Variants in DPH6 observed in about 807,000 individuals in gnomAD.
DPH6 encodes diphthamine biosynthesis 6, also known as diphthine--ammonia ligase.
Under a neutral mutation model 38.2 loss-of-function variants are expected in DPH6, and 33 were observed. That is an observed-to-expected ratio of 0.86 (90% CI 0.65 to 1.15). DPH6 has a LOEUF of 1.15. Among genes scored for constraint, DPH6 ranks in the 50% most tolerant of loss-of-function variants. DPH6 has a pLI of 0.00. For synonymous variants in DPH6, 108 were observed against 103.0 expected (o/e 1.05, Z -0.30); for missense variants, 325 against 320.0 (o/e 1.02, Z -0.12).
chr15:35,163,790 A>G, the DPH6 span, among the ~76,000 whole-genome samples: 1 of 151,836 alleles, frequency 6.6e-6, no homozygotes, highest in African/African-American at 2.4e-5. Context: ...AATTCTTTCC[A>G]TGGTTGCTTG....
chr15:35,198,203 A>T, the DPH6 span, among the ~76,000 whole-genome samples: 13 of 151,188 alleles, frequency 8.6e-5, no homozygotes, highest in African/African-American at 3.2e-4. Flanking sequence ...TTTTTTTTCT[A>T]AGCTATCAAA....
At chr15:35,176,403 A>G in the DPH6 span, among the ~76,000 whole-genome samples, 2 of 152,150 alleles carry the variant, frequency 1.3e-5, no homozygotes, top group Non-Finnish European at 2.9e-5. Context: ...GCCAGGCCTA[A>G]CTTTTATCTT....
At chr15:35,495,112 T>C (rs2054532519) in intron 3 of DPH6, among the ~76,000 whole-genome samples, 1 of 152,200 alleles carries the variant, frequency 6.6e-6, no homozygotes, top group Non-Finnish European at 1.5e-5. Context: ...CAGGTTCTAC[T>C]GTGTCCCCTC....
At chr15:35,154,283 T>G in the DPH6 span, among the ~76,000 whole-genome samples, 1 of 152,264 alleles carries the variant, frequency 6.6e-6, no homozygotes, top group East Asian at 1.9e-4. Flanking sequence ...CATCAAATTT[T>G]AGGCCATAAA....
At chr15:35,374,709 A>C (rs1339925499) in intron 7 of DPH6, among the ~76,000 whole-genome samples, 1 of 152,124 alleles carries the variant, frequency 6.6e-6, no homozygotes, top group African/African-American at 2.4e-5. Context: ...AAAGCAACTT[A>C]TAACAGACAT....
intron 3 of DPH6, among the ~76,000 whole-genome samples, chr15:35,501,715 T>G (rs907300080): frequency 6.6e-6 from 1 of 152,166 alleles, no homozygotes; most frequent in African/African-American, 2.4e-5. Context: ...ACTTAAAATA[T>G]GATATTTAAT....
intron 3 of DPH6, among the ~76,000 whole-genome samples, chr15:35,279,048 C>CAAAAAA (rs71123126): frequency 1.3e-4 from 9 of 70,660 alleles, no homozygotes; most frequent in African/African-American, 3.9e-4. Context: ...GACTCTGTCT[C>CAAAAAA]AAAAAAAAAA....
the DPH6 span, among the ~76,000 whole-genome samples, chr15:35,207,978 G>A: frequency 2.0e-4 from 31 of 152,146 alleles, no homozygotes; most frequent in East Asian, 7.7e-4. Context: ...GCTCTATTAC[G>A]ATGACCAGAA....
At chr15:35,194,377 G>C in the DPH6 span, among the ~76,000 whole-genome samples, 1 of 151,388 alleles carries the variant, frequency 6.6e-6, no homozygotes, top group Admixed American at 6.6e-5. Flanking sequence ...TCCAGAGAGA[G>C]AGAGAGAGAG....
chr15:35,169,198 C>A, the DPH6 span, among the ~76,000 whole-genome samples: 2 of 152,054 alleles, frequency 1.3e-5, no homozygotes, highest in Non-Finnish European at 2.9e-5. Flanking sequence ...ATATCATATT[C>A]ATATCATATT....
intron 3 of DPH6, among the ~76,000 whole-genome samples, chr15:35,334,386 TTTTTC>T (rs778537765): frequency 4.6e-5 from 7 of 152,144 alleles, no homozygotes; most frequent in Non-Finnish European, 1.0e-4. Context: ...GTCATTTCTT[TTTTTC>T]TTTTCTTCTA....
intron 3 of DPH6, among the ~76,000 whole-genome samples, chr15:35,244,009 C>A (rs1039973033): frequency 3.3e-5 from 5 of 152,126 alleles, no homozygotes; most frequent in African/African-American, 1.2e-4. Context: ...ATGTTTAATG[C>A]TCAAGGAAAA....
chr15:35,201,336 G>C, the DPH6 span, among the ~76,000 whole-genome samples: 1 of 151,618 alleles, frequency 6.6e-6, no homozygotes, highest in Non-Finnish European at 1.5e-5. Flanking sequence ...CCATTCGATT[G>C]ATCTTTGTAT....
intron 1 of DPH6, among the ~76,000 whole-genome samples, chr15:35,543,489 C>T (rs1217217528): frequency 6.6e-6 from 1 of 151,974 alleles, no homozygotes; most frequent in East Asian, 1.9e-4. Context: ...CTAATTCCCA[C>T]TATCATTTAT....
chr15:35,304,793 T>TA lies in DPH6; in HGVS notation n.200+68727dup, dbSNP rs61656698. On this transcript the variant is annotated intron_variant and non_coding_transcript_variant, in intron 3 of 3. Transcript: ENST00000560386. ...CATCTCTATGAAGCTATTTGGATGGTAAAAAAAAAAAAACAAAACTCAGCA... is the reference window on the plus strand; with the variant it reads ...CATCTCTATGAAGCTATTTGGATGGTAAAAAAAAAAAAAACAAAACTCAGCA... Among the ~76,000 whole-genome samples, 684 of 137,260 alleles carry TA rather than the reference T, an allele frequency of 5.0e-3. 3 individuals are homozygous for TA. The highest frequency in any genetic ancestry group is 0.015 in the Middle Eastern group (4 of 262). The allele number at this position is 137,260 out of a possible 152,430, so 90.0% of individuals were successfully genotyped here.
intron 3 of DPH6, among the ~76,000 whole-genome samples, chr15:35,274,696 C>T (rs1380231202): frequency 6.6e-6 from 1 of 151,954 alleles, no homozygotes; most frequent in Non-Finnish European, 1.5e-5. Flanking sequence ...AATGAGATAC[C>T]ATCTCACGCC....
intron 3 of DPH6, among the ~76,000 whole-genome samples, chr15:35,364,245 A>G (rs1025285681): frequency 1.3e-5 from 2 of 152,046 alleles, no homozygotes; most frequent in African/African-American, 4.8e-5. Flanking sequence ...AAAAGCCTAA[A>G]GGATTTTACA....
rs1448441653 is a variant in DPH6 at position 35,371,641 on chromosome 15, G to T, written c.*509C>A. On this transcript the variant is annotated 3_prime_UTR_variant, in exon 9 of 9. Coordinates refer to ENST00000256538, the MANE Select transcript of DPH6 (RefSeq NM_080650.4). ...AGAGTTAAGGACATTCTTCCTAATT[G>T]TCCAATAACGTTGAAACACTTCAAC... 5 of 984,582 alleles carry T rather than the reference G, an allele frequency of 5.1e-6. No homozygotes were observed. Among genetic ancestry groups the T allele is most frequent in the African/African-American group, 3.5e-5 (2 of 57,170 alleles). The allele number at this position is 984,582 out of a possible 1,614,324, so 61.0% of individuals were successfully genotyped here.
rs995512435 is a variant in DPH6, at chr15:35,250,693, G to C, written n.201-30111C>G. Reference sequence around the variant, plus strand: ...TTCTGGGTGGATCTGAAAATATGAAGACAAACAAGATCTAGGACTAAAAAG... The same window carrying C: ...TTCTGGGTGGATCTGAAAATATGAACACAAACAAGATCTAGGACTAAAAAG... On this transcript the variant is annotated intron_variant and non_coding_transcript_variant, in intron 3 of 3. Transcript: ENST00000560386. Among the ~76,000 whole-genome samples, 4 of 151,376 alleles carry C rather than the reference G, an allele frequency of 2.6e-5. No individual in the cohort carries two copies. The South Asian group carries it at 8.4e-4, about 32-fold the overall frequency.
Sources: gnomAD v4.1 joint callset for allele counts (sites outside exome capture counted in the v4.1 genomes callset) on GRCh38, gnomAD v4.1.1 for gene constraint, MANE v1.5 for transcripts, NCBI Gene and HGNC (gene_info 2026-07-23, HGNC 2026-07-21) for gene names.